Variants in NELL2 observed in about 807,000 individuals in gnomAD.
The protein encoded by NELL2 is neural EGFL like 2.
Under a neutral mutation model 109.6 loss-of-function variants are expected in NELL2, and 41 were observed. The observed-to-expected ratio is 0.37, with a 90% confidence interval of 0.29 to 0.49. NELL2 has a LOEUF of 0.49. NELL2 is among the 20% of genes least tolerant of loss of function. The pLI, the probability that NELL2 is intolerant of heterozygous loss-of-function variation, is 0.98. For synonymous variants in NELL2, 355 were observed against 344.7 expected (o/e 1.03, Z -0.33); for missense variants, 900 against 1,008.3 (o/e 0.89, Z 1.45).
chr12:44,844,116 G>A (rs1159689387), intron 2 of NELL2, among the ~76,000 whole-genome samples: 1 of 152,170 alleles, frequency 6.6e-6, no homozygotes, highest in Non-Finnish European at 1.5e-5. Flanking sequence ...AAGGGCAAAA[G>A]AGTAGAATGC....
intron 13 of NELL2, among the ~76,000 whole-genome samples, chr12:44,650,814 A>C (rs1167491802): frequency 1.3e-5 from 2 of 152,196 alleles, no homozygotes; most frequent in Non-Finnish European, 2.9e-5. Context: ...ACATGAGGAC[A>C]CAGTGAAAAG....
chr12:44,816,227 A>T, intron 2 of NELL2, 91 bp from the exon 3 acceptor site: 1 of 1,115,024 alleles, frequency 9.0e-7, no homozygotes, highest in Non-Finnish European at 1.3e-6. Context: ...AACTTTATCA[A>T]GTTTATCAGT....
chr12:44,534,088 T>C lies in NELL2; in HGVS notation c.1664-1367A>G, dbSNP rs547318682. Reference sequence around the variant, plus strand: ...TCAGTTGACAGAATCTACTTCCTCCTATTTCAGTCTCATCCCCCTCCAAAT... The same window carrying C: ...TCAGTTGACAGAATCTACTTCCTCCCATTTCAGTCTCATCCCCCTCCAAAT... On this transcript the variant is annotated intron_variant, in intron 15 of 19. Coordinates refer to ENST00000429094, the MANE Select transcript of NELL2 (RefSeq NM_001145108.2). 2.0e-5 allele frequency among the ~76,000 whole-genome samples: 3 copies of C among 152,260 alleles called. No individual in the cohort carries two copies. In the East Asian group the frequency reaches 5.8e-4, roughly 29 times the overall value.
intron 2 of NELL2, among the ~76,000 whole-genome samples, chr12:44,872,645 G>A (rs955804308): frequency 6.6e-6 from 1 of 152,090 alleles, no homozygotes; most frequent in Non-Finnish European, 1.5e-5. Context: ...AAAGACAGAA[G>A]AAGATGGTTA....
At chr12:44,788,011 GA>G (rs1414094981) in intron 3 of NELL2, among the ~76,000 whole-genome samples, 5 of 152,116 alleles carry the variant, frequency 3.3e-5, no homozygotes, top group African/African-American at 1.2e-4. Context: ...GTGAAAAGAT[GA>G]AAAGACATGC....
intron 13 of NELL2, among the ~76,000 whole-genome samples, chr12:44,627,909 T>C (rs551696487): frequency 1.3e-5 from 2 of 152,340 alleles, no homozygotes; most frequent in East Asian, 3.9e-4. Context: ...TGGTTATTGA[T>C]AAAATGTATT....
intron 1 of NELL2, among the ~76,000 whole-genome samples, chr12:44,906,780 A>C (rs1355122045): frequency 1.3e-5 from 2 of 152,114 alleles, no homozygotes; most frequent in Non-Finnish European, 2.9e-5. Flanking sequence ...AAATATGTCC[A>C]AATAGAAATA....
intron 12 of NELL2, among the ~76,000 whole-genome samples, chr12:44,700,719 G>T (rs567595693): frequency 1.3e-5 from 2 of 152,072 alleles, no homozygotes; most frequent in African/African-American, 4.8e-5. Flanking sequence ...TTTTAGAATA[G>T]TTGCCACATT....
intron 12 of NELL2, among the ~76,000 whole-genome samples, chr12:44,689,274 G>T (rs1262057587): frequency 6.6e-6 from 1 of 152,022 alleles, no homozygotes; most frequent in Non-Finnish European, 1.5e-5. Context: ...AGGAGATCTC[G>T]TCCACAAAGC....
At chr12:44,710,200 C>T (rs1201919796) in intron 11 of NELL2, among the ~76,000 whole-genome samples, 2 of 152,094 alleles carry the variant, frequency 1.3e-5, no homozygotes, top group Admixed American at 6.6e-5. Flanking sequence ...GATCCTATGT[C>T]CACTTTTAAT....
intron 3 of NELL2, among the ~76,000 whole-genome samples, chr12:44,811,337 T>TAAAAAAAAA (rs10683929): frequency 2.1e-3 from 220 of 103,054 alleles, no homozygotes; most frequent in Non-Finnish European, 2.6e-3. Flanking sequence ...GAACTAAAAG[T>TAAAAAAAAA]AAAAAAAAAA....
intron 13 of NELL2, among the ~76,000 whole-genome samples, chr12:44,662,154 T>C (rs758408428): frequency 3.5e-4 from 53 of 152,248 alleles, no homozygotes; most frequent in East Asian, 1.2e-3. Context: ...TTCCACAACT[T>C]TGGAATAGAG....
intron 2 of NELL2, among the ~76,000 whole-genome samples, chr12:44,825,523 A>G (rs971486679): frequency 1.6e-4 from 24 of 147,958 alleles, no homozygotes; most frequent in African/African-American, 5.7e-4. Flanking sequence ...AGCCTCCCCA[A>G]TAGCTGGAGC....
At chr12:44,646,350 A>G (rs993103465) in intron 13 of NELL2, among the ~76,000 whole-genome samples, 21 of 152,316 alleles carry the variant, frequency 1.4e-4, no homozygotes, top group African/African-American at 4.3e-4. Flanking sequence ...GTGATCTTGT[A>G]GACAGTACAA....
intron 13 of NELL2, among the ~76,000 whole-genome samples, chr12:44,653,514 TGTGGTA>T (rs1947378031): frequency 6.6e-6 from 1 of 152,188 alleles, no homozygotes; most frequent in African/African-American, 2.4e-5. Flanking sequence ...TGTTGTTAGT[TGTGGTA>T]GTTCACTATA....
chr12:44,543,173 T>C (rs1168347943), intron 15 of NELL2, among the ~76,000 whole-genome samples: 5 of 152,208 alleles, frequency 3.3e-5, no homozygotes, highest in African/African-American at 1.2e-4. Context: ...GGATACAAAA[T>C]TTCTCCTTCT....
chr12:44,595,692 C>T (rs1477837236), intron 15 of NELL2, among the ~76,000 whole-genome samples: 6 of 151,458 alleles, frequency 4.0e-5, no homozygotes, highest in South Asian at 2.1e-4. Flanking sequence ...CTGCCCGCCT[C>T]GGCCTCCCAA....
intron 13 of NELL2, among the ~76,000 whole-genome samples, chr12:44,640,097 C>T (rs1361291668): frequency 6.6e-6 from 1 of 152,144 alleles, no homozygotes; most frequent in African/African-American, 2.4e-5. Flanking sequence ...GTATAGTTTT[C>T]ATAGTTTACC....
chr12:44,523,833 G>A (rs527948661), intron 16 of NELL2, among the ~76,000 whole-genome samples: 3 of 152,142 alleles, frequency 2.0e-5, no homozygotes, highest in Admixed American at 1.3e-4. Flanking sequence ...AATTCTAAAA[G>A]TGCCTATGAT....
Sources: gnomAD v4.1 joint callset for allele counts (sites outside exome capture counted in the v4.1 genomes callset) on GRCh38, gnomAD v4.1.1 for gene constraint, MANE v1.5 for transcripts, NCBI Gene and HGNC (gene_info 2026-07-23, HGNC 2026-07-21) for gene names.